The following AMPH variants were observed in gnomAD, a reference collection of about 807,000 sequenced individuals.
The protein encoded by AMPH is amphiphysin (Stiff-Mann syndrome with breast cancer 128kD autoantigen).
A neutral mutation model predicts 99.1 loss-of-function variants in AMPH; 49 were observed. That is an observed-to-expected ratio of 0.49 (90% CI 0.39 to 0.63). The LOEUF is 0.63. AMPH is among the 20% of genes least tolerant of loss of function. The pLI is 0.00. For synonymous variants in AMPH, 314 were observed against 317.3 expected (o/e 0.99, Z 0.11); for missense variants, 759 against 863.4 (o/e 0.88, Z 1.52).
At chr7:38,420,301 C>T (rs1018190050) in intron 16 of AMPH, among the ~76,000 whole-genome samples, 1 of 152,124 alleles carries the variant, frequency 6.6e-6, no homozygotes, top group Non-Finnish European at 1.5e-5. Flanking sequence ...GAGGGAAAAG[C>T]AAAGATAAAA....
chr7:38,518,387 C>T (rs1001171028), intron 2 of AMPH, among the ~76,000 whole-genome samples: 5 of 152,142 alleles, frequency 3.3e-5, no homozygotes, highest in African/African-American at 9.7e-5. Context: ...GAACTCCAAC[C>T]CATTAAAGCT....
chr7:38,568,331 G>T (rs777192751), intron 1 of AMPH, among the ~76,000 whole-genome samples: 37 of 152,308 alleles, frequency 2.4e-4, no homozygotes, highest in Non-Finnish European at 4.9e-4. Context: ...TGGGCATGGT[G>T]GTGGGTGCCT....
intron 14 of AMPH, chr7:38,428,553 G>A (rs1366290631): frequency 6.6e-6 from 3 of 456,644 alleles, no homozygotes; most frequent in South Asian, 3.1e-5. Flanking sequence ...ACTGTCTTGT[G>A]CTGGGTAAAA....
intron 7 of AMPH, among the ~76,000 whole-genome samples, chr7:38,470,695 T>C (rs1787850975): frequency 1.3e-5 from 2 of 152,068 alleles, no homozygotes; most frequent in Non-Finnish European, 2.9e-5. Context: ...TTACCACCCA[T>C]ATGGTAATGA....
chr7:38,408,123 A>T (rs1785104560), intron 17 of AMPH, among the ~76,000 whole-genome samples: 1 of 152,180 alleles, frequency 6.6e-6, no homozygotes, highest in Admixed American at 6.5e-5. Context: ...AGTTTGTCTA[A>T]CTCTAAATTC....
intron 1 of AMPH, among the ~76,000 whole-genome samples, chr7:38,597,441 G>A (rs746294677): frequency 7.2e-5 from 11 of 152,038 alleles, no homozygotes; most frequent in Admixed American, 2.0e-4. Context: ...CTGCAACTAG[G>A]ACTTCAAGGT....
chr7:38,425,964 C>T (rs1005699701), intron 15 of AMPH, among the ~76,000 whole-genome samples: 11 of 152,084 alleles, frequency 7.2e-5, no homozygotes, highest in African/African-American at 1.4e-4. Flanking sequence ...CCTATCATAA[C>T]CTTTCAAAGG....
At chr7:38,593,779 G>A (rs1308193186) in intron 1 of AMPH, among the ~76,000 whole-genome samples, 2 of 152,190 alleles carry the variant, frequency 1.3e-5, no homozygotes, top group East Asian at 1.9e-4. Context: ...GCATTCAACT[G>A]GGTAGAGAAA....
At chr7:38,600,860 A>G (rs1467601332) in intron 1 of AMPH, among the ~76,000 whole-genome samples, 3 of 152,228 alleles carry the variant, frequency 2.0e-5, no homozygotes, top group Non-Finnish European at 4.4e-5. Flanking sequence ...TGCATAAGAC[A>G]TTAAGACACT....
chr7:38,417,435 T>C (rs1050200878), intron 17 of AMPH, among the ~76,000 whole-genome samples: 1 of 152,194 alleles, frequency 6.6e-6, no homozygotes, highest in Non-Finnish European at 1.5e-5. Context: ...GAAACTAATA[T>C]TGTAAGTAAT....
intron 2 of AMPH, among the ~76,000 whole-genome samples, chr7:38,508,274 G>A (rs1054722238): frequency 6.6e-6 from 1 of 152,056 alleles, no homozygotes; most frequent in Non-Finnish European, 1.5e-5. Context: ...GGCCCCAAAT[G>A]CACAAGAAAA....
intron 11 of AMPH, among the ~76,000 whole-genome samples, chr7:38,449,406 G>A (rs577092769): frequency 8.7e-4 from 133 of 152,324 alleles, no homozygotes; most frequent in African/African-American, 3.1e-3. Flanking sequence ...CTAATGACAT[G>A]TAAATCACAG....
intron 1 of AMPH, among the ~76,000 whole-genome samples, chr7:38,579,944 G>A (rs1436195209): frequency 2.6e-5 from 4 of 152,072 alleles, no homozygotes; most frequent in Non-Finnish European, 5.9e-5. Flanking sequence ...ACCAGTCCCA[G>A]ACTCATGAAT....
intron 17 of AMPH, among the ~76,000 whole-genome samples, chr7:38,396,529 G>T (rs1356962077): frequency 6.6e-6 from 1 of 152,056 alleles, no homozygotes; most frequent in African/African-American, 2.4e-5. Flanking sequence ...TACAATATGG[G>T]TTCACAAAAG....
chr7:38,610,874 G>A (rs1346300453), intron 1 of AMPH, among the ~76,000 whole-genome samples: 2 of 152,158 alleles, frequency 1.3e-5, no homozygotes, highest in African/African-American at 2.4e-5. Flanking sequence ...GCAGCAGAAT[G>A]AGAGAATAGA....
In AMPH at chr7:38,542,457, T is replaced by C. The variant is rs117904330; in HGVS notation, c.70-7446A>G. On this transcript the variant is annotated intron_variant, in intron 1 of 20. Transcript: ENST00000356264. ...TAGCTAGGCAAAGGGATCCTCCATATACTACCAGCCAGATGTTTGAGAGCA... is the reference window on the plus strand; with the variant it reads ...TAGCTAGGCAAAGGGATCCTCCATACACTACCAGCCAGATGTTTGAGAGCA... 1.3e-4 allele frequency among the ~76,000 whole-genome samples: 20 copies of C among 152,304 alleles called. No homozygotes were observed. The East Asian group carries it at 3.9e-3, about 29-fold the overall frequency.
chr7:38,410,392 C>T (rs901010023), intron 17 of AMPH, among the ~76,000 whole-genome samples: 4 of 152,182 alleles, frequency 2.6e-5, no homozygotes, highest in African/African-American at 9.7e-5. Flanking sequence ...GGGCCTGAAG[C>T]TTGAGGAGGG....
At chr7:38,429,364 A>T (rs1562748385) in intron 14 of AMPH, 26 of 1,290,180 alleles carry the variant, frequency 2.0e-5, no homozygotes, top group Non-Finnish European at 2.6e-5. Context: ...CTGGTGGATA[A>T]TCTTATGTCT....
chr7:38,472,182 T>G (rs1425388894), intron 7 of AMPH, among the ~76,000 whole-genome samples: 1 of 152,174 alleles, frequency 6.6e-6, no homozygotes. Flanking sequence ...ATAACTAACA[T>G]GTAATATGTT....
Sources: gnomAD v4.1 joint callset for allele counts (sites outside exome capture counted in the v4.1 genomes callset) on GRCh38, gnomAD v4.1.1 for gene constraint, MANE v1.5 for transcripts, NCBI Gene and HGNC (gene_info 2026-07-23, HGNC 2026-07-21) for gene names.